Variants in LGR5 observed in about 807,000 individuals in gnomAD.
LGR5 encodes the protein leucine rich repeat containing G protein-coupled receptor 5.
In LGR5, 54 loss-of-function variants were observed where a neutral mutation model predicts 76.7. That is an observed-to-expected ratio of 0.70 (90% confidence interval 0.57 to 0.88). The LOEUF is 0.88. LGR5 is among the 40% of genes least tolerant of loss of function. The pLI is 0.00. For missense variants in LGR5, 1,078 were observed against 1,073.3 expected (o/e 1.00, Z -0.06); for synonymous variants, 406 against 421.9 (o/e 0.96, Z 0.46).
intron 2 of LGR5, among the ~76,000 whole-genome samples, chr12:71,521,012 G>GA (rs994214815): frequency 1.3e-5 from 2 of 152,034 alleles, no homozygotes; most frequent in Non-Finnish European, 2.9e-5. Flanking sequence ...GCCAAGACCA[G>GA]AAAAAAAGAT....
chr12:71,468,540 G>C (rs1303814264), intron 1 of LGR5, among the ~76,000 whole-genome samples: 1 of 152,076 alleles, frequency 6.6e-6, no homozygotes, highest in Non-Finnish European at 1.5e-5. Flanking sequence ...AGATTAATGG[G>C]AAAAGCCGAA....
intron 2 of LGR5, among the ~76,000 whole-genome samples, chr12:71,520,697 T>C (rs1397601124): frequency 8.0e-6 from 1 of 125,074 alleles, no homozygotes; most frequent in Non-Finnish European, 1.6e-5. Flanking sequence ...GAGGGGAACA[T>C]CACACACCGG....
intron 1 of LGR5, among the ~76,000 whole-genome samples, chr12:71,500,897 G>A (rs1874569250): frequency 6.6e-6 from 1 of 152,104 alleles, no homozygotes; most frequent in Non-Finnish European, 1.5e-5. Context: ...TCAGAGACAG[G>A]GCAGAATGGT....
In LGR5 at chr12:71,440,343, G is replaced by C. The variant is rs767796832; in HGVS notation, c.212+51G>C. On this transcript the variant is annotated intron_variant, in intron 1 of 17. Transcript: ENST00000266674. This position sits in a 1 kb window ranked among gnomAD's most constrained non-coding sequence, Gnocchi z 5.3. ...GGAGAGAGACTAAGAGGGGAAGGAA[G>C]GTTCGTCCAAGGCGAGGCTGGAGGC... is the stretch of plus-strand genomic sequence containing the variant. 25 of 1,568,900 alleles carry C rather than the reference G, an allele frequency of 1.6e-5. No homozygotes were observed. In the Admixed American group the frequency reaches 2.7e-4, roughly 17 times the overall value.
chr12:71,578,814 T>C lies in LGR5; in HGVS notation c.1291T>C (p.Ser431Pro), dbSNP rs1878970964. The change falls in exon 15 of 18, where the codon TCC becomes CCC. Residue 431 changes from serine (S) to proline (P), a missense_variant. By Grantham distance (74) the Ser-to-Pro change is moderately conservative. Coordinates refer to ENST00000266674, the MANE Select transcript of LGR5 (RefSeq NM_003667.4). ...TTTGATGTTTTGCAGGGACCTATCGTCCAACCTCCTGTCGTCTTTTCCTAT... is the reference window on the plus strand; with the variant it reads ...TTTGATGTTTTGCAGGGACCTATCGCCCAACCTCCTGTCGTCTTTTCCTAT... ...LPSLIKLDLS[S>P]NLLSSFPITG... 6.2e-7 allele frequency: 1 copy of C among 1,608,828 alleles called. No individual in the cohort carries two copies. Among genetic ancestry groups the C allele is most frequent in the Non-Finnish European group, 8.5e-7 (1 of 1,177,598 alleles).
chr12:71,566,601 A>G, intron 9 of LGR5, 31 bp from the exon 10 acceptor site: 2 of 1,575,376 alleles, frequency 1.3e-6, no homozygotes, highest in Non-Finnish European at 8.7e-7. Flanking sequence ...AGAATCTTCT[A>G]CCAGTAATAC....
At chr12:71,463,377 T>C (rs1335980288) in intron 1 of LGR5, among the ~76,000 whole-genome samples, 1 of 152,226 alleles carries the variant, frequency 6.6e-6, no homozygotes, top group Non-Finnish European at 1.5e-5. Context: ...AGAGGTTTAC[T>C]TAGGCTTTAG....
intron 1 of LGR5, chr12:71,441,579 A>T (rs1440510035): frequency 6.6e-6 from 1 of 152,194 alleles, no homozygotes; most frequent in Non-Finnish European, 1.5e-5. Context: ...CTAGGTAGTG[A>T]TTCTTTTTCT....
intron 1 of LGR5, among the ~76,000 whole-genome samples, chr12:71,452,147 G>A (rs1174343824): frequency 6.6e-6 from 1 of 152,180 alleles, no homozygotes; most frequent in African/African-American, 2.4e-5. Flanking sequence ...TCTGTCTCCA[G>A]ACTGAGCCCA....
intron 4 of LGR5, among the ~76,000 whole-genome samples, chr12:71,545,471 A>C (rs966694877): frequency 1.3e-5 from 2 of 152,150 alleles, no homozygotes; most frequent in African/African-American, 4.8e-5. Context: ...AATAAATAAA[A>C]TGCTCATCCA....
At chr12:71,458,845 A>G (rs1025846395) in intron 1 of LGR5, among the ~76,000 whole-genome samples, 2 of 152,098 alleles carry the variant, frequency 1.3e-5, no homozygotes, top group African/African-American at 4.8e-5. Flanking sequence ...GCATATTTAA[A>G]TGTAAATTAT....
intron 1 of LGR5, among the ~76,000 whole-genome samples, chr12:71,460,929 A>T (rs979030493): frequency 1.3e-5 from 2 of 152,212 alleles, no homozygotes; most frequent in African/African-American, 4.8e-5. Context: ...CTAGGCTGTT[A>T]TCTTGAAACT....
chr12:71,557,885 A>T (rs1467321624), intron 6 of LGR5, among the ~76,000 whole-genome samples: 9 of 152,216 alleles, frequency 5.9e-5, no homozygotes, highest in Admixed American at 3.9e-4. Flanking sequence ...CTGCAAAAGG[A>T]AAAGACCAAA....
At chr12:71,441,333 G>A (rs1871758923) in intron 1 of LGR5, 1 of 152,238 alleles carries the variant, frequency 6.6e-6, no homozygotes, top group Non-Finnish European at 1.5e-5. Flanking sequence ...TTCCAGCAGA[G>A]AGGCCAGGTT....
chr12:71,553,897 C>T (rs1877626856), intron 5 of LGR5, among the ~76,000 whole-genome samples: 1 of 152,110 alleles, frequency 6.6e-6, no homozygotes. Flanking sequence ...TCGAGGCCAG[C>T]CTGGTCAACA....
At chr12:71,517,466 C>T (rs1314543028) in intron 2 of LGR5, among the ~76,000 whole-genome samples, 1 of 152,214 alleles carries the variant, frequency 6.6e-6, no homozygotes, top group East Asian at 1.9e-4. Context: ...GGCATTCATC[C>T]TAACAATAAT....
chr12:71,547,463 A>C (rs1234577883), intron 4 of LGR5, among the ~76,000 whole-genome samples: 1 of 152,244 alleles, frequency 6.6e-6, no homozygotes, highest in African/African-American at 2.4e-5. Flanking sequence ...TTTAAAGGGA[A>C]AAATATGATA....
intron 1 of LGR5, among the ~76,000 whole-genome samples, chr12:71,478,691 TTTTAG>T (rs1483672486): frequency 4.5e-4 from 68 of 152,212 alleles, no homozygotes; most frequent in African/African-American, 1.5e-3. Flanking sequence ...CATAGGATTA[TTTTAG>T]TTTAAAGAAA....
intron 8 of LGR5, among the ~76,000 whole-genome samples, chr12:71,563,275 A>G (rs776181126): frequency 6.6e-6 from 1 of 152,014 alleles, no homozygotes; most frequent in African/African-American, 2.4e-5. Context: ...CCAGTTGGCT[A>G]CCCACTCCTC....
Sources: allele counts gnomAD v4.1 joint callset (sites outside exome capture counted in the v4.1 genomes callset), GRCh38; gene constraint gnomAD v4.1.1; non-coding constraint Gnocchi (gnomAD v3.1); transcripts MANE v1.5; gene names NCBI Gene and HGNC (gene_info 2026-07-23, HGNC 2026-07-21).